Variants in PWWP2A observed in about 807,000 individuals in gnomAD.
PWWP2A encodes PWWP domain-containing protein 2A.
PWWP2A carries 18 observed loss-of-function variants against 48.5 expected under a neutral mutation model. The observed-to-expected ratio is 0.37, with a 90% CI of 0.26 to 0.55. The LOEUF (loss-of-function observed/expected upper bound fraction) is 0.55, where lower values mean the gene tolerates loss of function less well. Among genes scored for constraint, PWWP2A ranks in the 20% least tolerant of loss-of-function variants. The pLI is 0.81. For missense variants in PWWP2A, 867 were observed against 976.4 expected (o/e 0.89, Z 1.49); for synonymous variants, 396 against 387.7 (o/e 1.02, Z -0.25).
chr5:160,049,508 T>C, the PWWP2A span: 5 of 1,562,058 alleles, frequency 3.2e-6, no homozygotes, highest in Non-Finnish European at 4.3e-6. Context: ...TCTTCTCTTT[T>C]TACAGCAATT....
At chr5:160,049,718 G>A in the PWWP2A span, 1 of 1,357,166 alleles carries the variant, frequency 7.4e-7, no homozygotes, top group Non-Finnish European at 9.8e-7. Flanking sequence ...TTGCTACCCA[G>A]TGAGTCCTAA....
At chr5:160,081,110 C>CA (rs1229696773) in intron 2 of PWWP2A, among the ~76,000 whole-genome samples, 1 of 152,044 alleles carries the variant, frequency 6.6e-6, no homozygotes, top group African/African-American at 2.4e-5. Flanking sequence ...ATGTTCCTAA[C>CA]AAAAAATGTT....
downstream of PWWP2A, among the ~76,000 whole-genome samples, chr5:160,058,510 A>C (rs1044343345): frequency 1.4e-5 from 2 of 147,780 alleles, no homozygotes; most frequent in Non-Finnish European, 3.0e-5. Flanking sequence ...TCCTGGGTTC[A>C]CGCCATTCTC....
chr5:160,065,091 T>G lies in PWWP2A; in HGVS notation c.*237-1418A>C, dbSNP rs201534141. 3,294 of 1,602,038 alleles carry G rather than the reference T, an allele frequency of 2.1e-3. 3 individuals are homozygous for G. Among genetic ancestry groups the G allele is most frequent in the Non-Finnish European group, 2.6e-3 (3,073 of 1,176,954 alleles). On this transcript the variant is annotated intron_variant and NMD_transcript_variant, in intron 4 of 5. Coordinates refer to the PWWP2A transcript ENST00000524050. ...CAAAGATAACAAAAGCTTTACAAGC[T>G]GACTTGGAATTGTGTGCTGCTTGCT...
intron 1 of PWWP2A, among the ~76,000 whole-genome samples, chr5:160,112,022 G>A (rs1757627016): frequency 6.6e-6 from 1 of 151,244 alleles, no homozygotes; most frequent in Non-Finnish European, 1.5e-5. Flanking sequence ...AGCTATTTGG[G>A]AGGCTGATGT....
In PWWP2A at chr5:160,119,294, C is replaced by A. The variant is rs1758479904; in HGVS notation, c.95G>T (p.Gly32Val). ...EAEPEMEPIPGSEAGTDPLPV... is the reference protein window; with the variant it reads ...EAEPEMEPIPVSEAGTDPLPV... ...GAGGGGGTCAGTGCCGGCCTCACTG[C>A]CGGGGATGGGCTCCATCTCCGGCTC... Residue 32 changes from glycine (G) to valine (V), a missense_variant, in exon 1 of 2, where the codon GGC becomes GTC. Gly to Val is a moderately radical substitution (Grantham distance 109). Transcript: ENST00000307063. 1.5e-6 allele frequency: 2 copies of A among 1,378,808 alleles called. No individual in the cohort carries two copies. Among genetic ancestry groups the A allele is most frequent in the Non-Finnish European group, 9.3e-7 (1 of 1,073,466 alleles). 85.4% of individuals were successfully genotyped at this position (1,378,808 alleles called of 1,614,324 possible).
At chr5:160,104,695 C>G (rs147192463) in intron 1 of PWWP2A, among the ~76,000 whole-genome samples, 4 of 152,070 alleles carry the variant, frequency 2.6e-5, no homozygotes, top group Non-Finnish European at 2.9e-5. Context: ...ATCCCAGCTA[C>G]TCATGAGGCT....
intron 1 of PWWP2A, among the ~76,000 whole-genome samples, chr5:160,103,307 AAAAAAG>A (rs1231578389): frequency 6.6e-6 from 1 of 152,238 alleles, no homozygotes; most frequent in Non-Finnish European, 1.5e-5. Context: ...GAAAGCACAC[AAAAAAG>A]AAAATCTATC....
At chr5:160,100,403 T>C (rs1181525604) in intron 1 of PWWP2A, among the ~76,000 whole-genome samples, 1 of 152,024 alleles carries the variant, frequency 6.6e-6, no homozygotes, top group East Asian at 1.9e-4. Flanking sequence ...GGTGGGAGGA[T>C]TGCTTGAGCC....
rs116662512 is a variant in PWWP2A, at chr5:160,103,543, C to T, written c.585-9478G>A. The stretch of plus-strand genomic sequence containing the variant: ...CAATGCCAAATGAGGTTACAGTCTT[C>T]GGAAGGAAATAAATCACCGTGGATT... On this transcript the variant is annotated intron_variant, in intron 1 of 1. Transcript: ENST00000307063. Among the ~76,000 whole-genome samples, 871 of 152,144 alleles carry T rather than the reference C, an allele frequency of 5.7e-3. 7 individuals are homozygous for T. Among genetic ancestry groups the T allele is most frequent in the African/African-American group, 0.02 (820 of 41,498 alleles).
chr5:160,107,637 A>G (rs1400414836), intron 1 of PWWP2A, among the ~76,000 whole-genome samples: 8 of 152,242 alleles, frequency 5.3e-5, no homozygotes, highest in Non-Finnish European at 2.9e-5. Context: ...GGAAGATTAG[A>G]CCTTGTTTCA....
chr5:160,114,747 A>G (rs1239418117), intron 1 of PWWP2A, among the ~76,000 whole-genome samples: 6 of 146,016 alleles, frequency 4.1e-5, no homozygotes, highest in Non-Finnish European at 9.0e-5. Flanking sequence ...TAGGCAACAG[A>G]GCGAGACTCT....
rs767048222 is a variant in PWWP2A, at chr5:160,118,813, C to T, written c.576G>A (p.Leu192=). 3 of 1,529,860 alleles carry T rather than the reference C, an allele frequency of 2.0e-6. No homozygotes were observed. In the East Asian group the frequency reaches 7.7e-5, roughly 39 times the overall value. The allele number at this position is 1,529,860 out of a possible 1,614,324, so 94.8% of individuals were successfully genotyped here. A position where few individuals can be genotyped will look rare whatever the true frequency, so the allele number is the denominator to read the frequency against. ...EKLFSGVLMD[L]SKRFGPHGIP... is the part of the protein sequence containing the mutation. The stretch of plus-strand genomic sequence containing the variant: ...GGGGGCGGGCGCGGTACCTTTTGGA[C>T]AGATCCATGAGGACCCCGGAGAAGA... Residue 192 remains leucine, a synonymous_variant, in exon 1 of 2, where the codon CTG becomes CTA. Coordinates refer to ENST00000307063, the MANE Select transcript of PWWP2A (RefSeq NM_001130864.2).
rs2113529573 is a variant in PWWP2A, at chr5:160,092,791, G to A, written c.1859C>T (p.Ser620Phe). The A allele has an allele frequency of 1.3e-6, 2 of 1,551,698 alleles. No individual in the cohort carries two copies. The highest frequency in any genetic ancestry group is 4.9e-5 in the East Asian group (2 of 40,924). The change falls in exon 2 of 2, where the codon TCC (serine) becomes TTC (phenylalanine). Residue 620 changes from serine (S) to phenylalanine (F), a missense_variant. By Grantham distance (155) the Ser-to-Phe change is radical. This residue lies in a region of PWWP2A where 382 missense variants were observed against 407.2 expected (regional missense o/e 0.94). Coordinates refer to ENST00000307063, the MANE Select transcript of PWWP2A (RefSeq NM_001130864.2). ...SMHAPSTSST[S>F]SSSKEEKKLS... The stretch of plus-strand genomic sequence containing the variant: ...CTTTTTCTCTTCCTTTGAAGAGGAG[G>A]AAGTGGAGGAGGTGGAAGGTGCATG...
At chr5:160,046,826 T>G in the PWWP2A span, among the ~76,000 whole-genome samples, 237 of 152,134 alleles carry the variant, frequency 1.6e-3, 3 homozygotes, top group African/African-American at 5.5e-3. Flanking sequence ...AGCCTGATCA[T>G]TATGGTGAAA....
Position 160,092,171 on chromosome 5 carries a change from T to TA in PWWP2A, c.*210dup, listed in dbSNP as rs995852132. 3.0e-6 allele frequency: 4 copies of TA among 1,323,028 alleles called. No homozygotes were observed. The African/African-American group carries it at 5.9e-5, about 20-fold the overall frequency. 82.0% of individuals were successfully genotyped at this position (1,323,028 alleles called of 1,614,324 possible). On this transcript the variant is annotated 3_prime_UTR_variant, in exon 2 of 2. Transcript: ENST00000307063. ...GAACTTCAAAACTGAAAAATACTGC[T>TA]AAAATCTCACTTCCTTAACACAAAA...
the PWWP2A span, among the ~76,000 whole-genome samples, chr5:160,052,932 T>A: frequency 2.0e-5 from 3 of 152,258 alleles, no homozygotes; most frequent in African/African-American, 7.2e-5. Flanking sequence ...GTAAATAATA[T>A]GTGTTGTTAC....
chr5:160,051,685 G>A, the PWWP2A span, among the ~76,000 whole-genome samples: 1 of 152,104 alleles, frequency 6.6e-6, no homozygotes, highest in Non-Finnish European at 1.5e-5. Flanking sequence ...GTAGGGGTAG[G>A]GCAAATGGAT....
downstream of PWWP2A, among the ~76,000 whole-genome samples, chr5:160,060,179 C>T (rs1757659933): frequency 6.6e-6 from 1 of 152,158 alleles, no homozygotes; most frequent in Non-Finnish European, 1.5e-5. Flanking sequence ...AGGAGAAAGT[C>T]CCAAAGGAGC....
Sources: gnomAD v4.1 joint callset for allele counts (sites outside exome capture counted in the v4.1 genomes callset) on GRCh38, gnomAD v4.1.1 for gene constraint, gnomAD v4.1.1 regional missense constraint, MANE v1.5 for transcripts, NCBI Gene and HGNC (gene_info 2026-07-23, HGNC 2026-07-21) for gene names.